Variants in MCTP2 observed in about 807,000 individuals in gnomAD.
MCTP2 encodes multiple C2 and transmembrane domain-containing protein 2.
In MCTP2, 132 loss-of-function variants were observed where a neutral mutation model predicts 111.6. The ratio of observed to expected loss-of-function variants is 1.18; its 90% CI spans 1.03 to 1.37. The LOEUF (loss-of-function observed/expected upper bound fraction) is 1.37. Ranked by LOEUF, MCTP2 falls within the 40% of genes most tolerant of loss-of-function variation. The pLI is 0.00. For synonymous variants in MCTP2, 395 were observed against 387.7 expected, an observed-to-expected ratio of 1.02 and a Z score of -0.22; for missense variants, 1,183 against 1,067.9, an observed-to-expected ratio of 1.11 and a Z score of -1.50.
Position 94,340,930 on chromosome 15 carries a change from T to G in MCTP2, c.969+6T>G, listed in dbSNP as rs751529346. On this transcript the variant is annotated splice_donor_region_variant and intron_variant, in intron 7 of 22. Transcript: ENST00000357742. Reference sequence around the variant, plus strand: ...AGGGTGATTTCAAGAGACACGTAAGTGGGACCTTCTATTCTTTTGAAACCT... The same window carrying G: ...AGGGTGATTTCAAGAGACACGTAAGGGGGACCTTCTATTCTTTTGAAACCT... The G allele has an allele frequency of 9.7e-6, 15 of 1,542,340 alleles. No individual in the cohort carries two copies. Among genetic ancestry groups the G allele is most frequent in the Admixed American group, 1.7e-5 (1 of 59,870 alleles).
chr15:94,470,102 C>T (rs1567781550), intron 20 of MCTP2, among the ~76,000 whole-genome samples: 1 of 152,072 alleles, frequency 6.6e-6, no homozygotes, highest in Admixed American at 6.5e-5. Context: ...GGTAAAGTCA[C>T]CAATATTCTG....
At chr15:94,336,401 G>T (rs1312057525) in intron 4 of MCTP2, among the ~76,000 whole-genome samples, 3 of 151,892 alleles carry the variant, frequency 2.0e-5, no homozygotes, top group Non-Finnish European at 1.5e-5. Flanking sequence ...TTATATTTCT[G>T]GGTTGCCTGC....
chr15:94,300,121 A>G (rs1235819768), intron 2 of MCTP2, among the ~76,000 whole-genome samples: 1 of 152,174 alleles, frequency 6.6e-6, no homozygotes, highest in African/African-American at 2.4e-5. Flanking sequence ...TCCTGACCAG[A>G]AAATAAAAGT....
chr15:94,333,203 A>G (rs114761244), intron 4 of MCTP2, among the ~76,000 whole-genome samples: 1,957 of 152,102 alleles, frequency 0.013, 34 homozygotes, highest in African/African-American at 0.043. Context: ...ATGCCACTGT[A>G]CTCCAGCCTG....
intron 13 of MCTP2, 105 bp downstream of exon 13, chr15:94,384,229 ATTG>A: frequency 1.4e-6 from 1 of 706,674 alleles, no homozygotes; most frequent in South Asian, 1.8e-5. Context: ...AGTAAATTTT[ATTG>A]TTTTTTTCTT....
chr15:94,403,503 T>A (rs1332594437), intron 17 of MCTP2, among the ~76,000 whole-genome samples: 2 of 152,240 alleles, frequency 1.3e-5, no homozygotes, highest in African/African-American at 4.8e-5. Flanking sequence ...GAGGATTTCC[T>A]CTTTCTCGAG....
Position 94,479,628 on chromosome 15 carries a change from T to G in MCTP2, c.*594T>G, listed in dbSNP as rs1191279981. ...TATTAAGGATATGTATGTGAATTTT[T>G]GGGAAACCTCTCGGTGCTGGATGCC... On this transcript the variant is annotated 3_prime_UTR_variant, in exon 23 of 23. Transcript: ENST00000357742. The G allele has an allele frequency of 6.6e-6, 1 of 152,346 alleles. No homozygotes were observed. The highest frequency in any genetic ancestry group is 1.5e-5 in the Non-Finnish European group (1 of 68,178). The allele number at this position is 152,346 out of a possible 1,614,324, so 9.4% of individuals were successfully genotyped here. A position where few individuals can be genotyped will look rare whatever the true frequency, so the allele number is the denominator to read the frequency against.
At chr15:94,273,202 A>G (rs1336915930) in intron 1 of MCTP2, among the ~76,000 whole-genome samples, 1 of 152,228 alleles carries the variant, frequency 6.6e-6, no homozygotes, top group Non-Finnish European at 1.5e-5. Context: ...GAACAAATCA[A>G]AAGCACATAG....
At chr15:94,453,770 A>G (rs1420999292) in intron 19 of MCTP2, among the ~76,000 whole-genome samples, 1 of 152,168 alleles carries the variant, frequency 6.6e-6, no homozygotes, top group Non-Finnish European at 1.5e-5. Context: ...TTTCTTGTCT[A>G]CCCTGGGGCC....
Position 94,480,647 on chromosome 15 carries a change from T to G in MCTP2, c.*1613T>G, listed in dbSNP as rs1249266828. 1 of 152,260 alleles carries G rather than the reference T, an allele frequency of 6.6e-6. No individual in the cohort carries two copies. Among genetic ancestry groups the G allele is most frequent in the Non-Finnish European group, 1.5e-5 (1 of 68,044 alleles). 9.4% of individuals were successfully genotyped at this position (152,260 alleles called of 1,614,324 possible). On this transcript the variant is annotated 3_prime_UTR_variant, in exon 23 of 23. Coordinates refer to ENST00000357742, the MANE Select transcript of MCTP2 (RefSeq NM_001385001.1). ...AATGCCTCATTGTCTTGCTTCTAACTATCATCTAGTTTATCATAGTCTGTC... is the reference window on the plus strand; with the variant it reads ...AATGCCTCATTGTCTTGCTTCTAACGATCATCTAGTTTATCATAGTCTGTC...
intron 10 of MCTP2, among the ~76,000 whole-genome samples, chr15:94,361,690 G>A (rs542341916): frequency 1.3e-5 from 2 of 152,274 alleles, no homozygotes; most frequent in East Asian, 3.9e-4. Flanking sequence ...AAAATTCAAT[G>A]TATTTTTTTC....
At chr15:94,385,019 C>T (rs1268804622) in intron 13 of MCTP2, among the ~76,000 whole-genome samples, 2 of 152,122 alleles carry the variant, frequency 1.3e-5, no homozygotes, top group East Asian at 1.9e-4. Flanking sequence ...GATTTTTCAC[C>T]ACCATTTTAT....
At chr15:94,425,689 G>A (rs2152497243) in intron 17 of MCTP2, among the ~76,000 whole-genome samples, 1 of 152,212 alleles carries the variant, frequency 6.6e-6, no homozygotes, top group Non-Finnish European at 1.5e-5. Flanking sequence ...ACACAAACAG[G>A]CATTGGAAGG....
chr15:94,339,356 A>C lies in MCTP2; in HGVS notation c.704A>C (p.Tyr235Ser). ...GKTLYKSKVI[Y>S]KNLNPVWDEI... ...ACGCTGTACAAAAGTAAAGTCATAT[A>C]TAAGAACTTGAACCCAGTATGGGAT... is the stretch of plus-strand genomic sequence containing the variant. The change falls in exon 5 of 23, where the codon TAT becomes TCT. Residue 235 changes from tyrosine to serine, a missense_variant. Tyr to Ser is a moderately radical substitution (Grantham distance 144). Coordinates refer to ENST00000357742, the MANE Select transcript of MCTP2 (RefSeq NM_001385001.1). The C allele has an allele frequency of 6.2e-7, 1 of 1,612,418 alleles. No individual in the cohort carries two copies. The highest frequency in any genetic ancestry group is 8.5e-7 in the Non-Finnish European group (1 of 1,178,840).
At chr15:94,361,630 C>T (rs1420068007) in intron 10 of MCTP2, among the ~76,000 whole-genome samples, 1 of 152,202 alleles carries the variant, frequency 6.6e-6, no homozygotes, top group East Asian at 1.9e-4. Context: ...TAGGTCCTCA[C>T]AACTTGGCAA....
intron 12 of MCTP2, among the ~76,000 whole-genome samples, chr15:94,380,105 C>T (rs563410401): frequency 1.3e-5 from 2 of 152,064 alleles, no homozygotes; most frequent in African/African-American, 2.4e-5. Context: ...TTCATGCTCT[C>T]GTCTGCATTT....
chr15:94,466,189 A>C (rs2073274114), intron 20 of MCTP2, among the ~76,000 whole-genome samples: 1 of 152,044 alleles, frequency 6.6e-6, no homozygotes, highest in South Asian at 2.1e-4. Context: ...ATTATGATTT[A>C]ATATATTGGA....
At chr15:94,367,913 T>G in intron 11 of MCTP2, 122 bp downstream of exon 11, 1 of 838,936 alleles carries the variant, frequency 1.2e-6, no homozygotes, top group Non-Finnish European at 1.7e-6. Context: ...TGTCCCAAGT[T>G]TCCTTGTACG....
At chr15:94,356,416 A>C in intron 9 of MCTP2, 115 bp downstream of exon 9, 2 of 961,044 alleles carry the variant, frequency 2.1e-6, no homozygotes, top group Non-Finnish European at 2.9e-6. Flanking sequence ...CAGCCCGCCT[A>C]ACTATATTAA....
Sources: allele counts gnomAD v4.1 joint callset (sites outside exome capture counted in the v4.1 genomes callset), GRCh38; gene constraint gnomAD v4.1.1; transcripts MANE v1.5; gene names NCBI Gene and HGNC (gene_info 2026-07-23, HGNC 2026-07-21).